Variants in RAB3GAP1 observed in about 807,000 individuals in gnomAD.
The protein encoded by RAB3GAP1 is rab3 GTPase-activating protein catalytic subunit.
Under a neutral mutation model 130.7 loss-of-function variants are expected in RAB3GAP1, and 86 were observed. That is an observed-to-expected ratio of 0.66 (90% CI 0.55 to 0.79). The LOEUF (loss-of-function observed/expected upper bound fraction) is 0.79. RAB3GAP1 is among the 30% of genes least tolerant of loss of function. The pLI is 0.00. For missense variants in RAB3GAP1, 1,029 were observed against 1,169.4 expected (o/e 0.88, Z 1.75); for synonymous variants, 367 against 401.7 (o/e 0.91, Z 1.03).
At chr2:135,073,085 C>T (rs1689523809) in intron 3 of RAB3GAP1, among the ~76,000 whole-genome samples, 1 of 152,186 alleles carries the variant, frequency 6.6e-6, no homozygotes, top group Admixed American at 6.5e-5. Context: ...AGGTTGGGCA[C>T]ATATTAAGCA....
intron 14 of RAB3GAP1, 82 bp downstream of exon 14, chr2:135,133,066 C>T: frequency 1.2e-6 from 1 of 863,166 alleles, no homozygotes. Context: ...AGTTTAATAG[C>T]TTACTATATT....
chr2:135,095,696 C>A (rs1303412860), intron 5 of RAB3GAP1, among the ~76,000 whole-genome samples: 1 of 152,148 alleles, frequency 6.6e-6, no homozygotes, highest in Non-Finnish European at 1.5e-5. Flanking sequence ...AAATTTCAGG[C>A]AAAAACAACA....
chr2:135,167,388 T>G (rs914680758), intron 23 of RAB3GAP1, among the ~76,000 whole-genome samples: 1 of 152,122 alleles, frequency 6.6e-6, no homozygotes, highest in Non-Finnish European at 1.5e-5. Context: ...ACTTTTTTTT[T>G]TTTTTGCATC....
chr2:135,159,264 TC>T (rs1248432717), intron 19 of RAB3GAP1, among the ~76,000 whole-genome samples: 4 of 152,184 alleles, frequency 2.6e-5, no homozygotes, highest in African/African-American at 7.2e-5. Context: ...AGTGTGTTCC[TC>T]CCAGAGAGTA....
chr2:135,099,742 C>T (rs1044462639), intron 5 of RAB3GAP1, among the ~76,000 whole-genome samples: 6 of 151,688 alleles, frequency 4.0e-5, no homozygotes, highest in Non-Finnish European at 7.4e-5. Flanking sequence ...GCAATTCCTT[C>T]TAGGGTCCAG....
chr2:135,105,451 C>G (rs931382966), intron 5 of RAB3GAP1, among the ~76,000 whole-genome samples: 34 of 152,236 alleles, frequency 2.2e-4, no homozygotes, highest in African/African-American at 7.5e-4. Context: ...CCGGGCTGGT[C>G]TCCAGCTCCT....
chr2:135,052,292 CCCG>C lies in RAB3GAP1; in HGVS notation c.-15_-13del. 1 of 1,613,174 alleles carries C rather than the reference CCCG, an allele frequency of 6.2e-7. No homozygotes were observed. ...TCTTCCCGGCAGCCTTAGCGCCAGG[CCCG>C]GCGCTCCTCAAGATGGCTGCCGACA... On this transcript the variant is annotated 5_prime_UTR_variant, in exon 1 of 24. Transcript: ENST00000264158.
At chr2:135,141,716 C>T (rs1691846466) in intron 17 of RAB3GAP1, among the ~76,000 whole-genome samples, 1 of 152,142 alleles carries the variant, frequency 6.6e-6, no homozygotes, top group Admixed American at 6.6e-5. Flanking sequence ...TTGTGACCCA[C>T]CTCAAATTAA....
At chr2:135,063,863 A>G (rs561987659) in intron 3 of RAB3GAP1, among the ~76,000 whole-genome samples, 5 of 152,264 alleles carry the variant, frequency 3.3e-5, no homozygotes, top group Admixed American at 3.3e-4. Flanking sequence ...GAATTATTTG[A>G]TGGTGCTATT....
At chr2:135,120,559 T>C (rs1691165631) in intron 7 of RAB3GAP1, among the ~76,000 whole-genome samples, 1 of 152,254 alleles carries the variant, frequency 6.6e-6, no homozygotes, top group South Asian at 2.1e-4. Context: ...ACTGTGAGAA[T>C]TTCTTCTGTG....
chr2:135,054,947 A>C (rs1688969970), intron 2 of RAB3GAP1, among the ~76,000 whole-genome samples: 1 of 152,222 alleles, frequency 6.6e-6, no homozygotes, highest in African/African-American at 2.4e-5. Context: ...TGAACTATAT[A>C]GATAATTTAT....
chr2:135,147,551 G>A (rs1434307060), intron 17 of RAB3GAP1, among the ~76,000 whole-genome samples: 1 of 151,700 alleles, frequency 6.6e-6, no homozygotes, highest in Non-Finnish European at 1.5e-5. Context: ...GCATGTAAGT[G>A]TTCAGCAAAA....
intron 23 of RAB3GAP1, chr2:135,165,117 G>A (rs752945101): frequency 2.2e-6 from 1 of 454,736 alleles, no homozygotes; most frequent in African/African-American, 2.0e-5. Context: ...AAATATAATT[G>A]TTCTTGTAAT....
At chr2:135,111,165 T>G (rs2104909622) in intron 5 of RAB3GAP1, among the ~76,000 whole-genome samples, 1 of 152,276 alleles carries the variant, frequency 6.6e-6, no homozygotes, top group East Asian at 1.9e-4. Flanking sequence ...ACTTAATTTT[T>G]TAAATCATTA....
At chr2:135,053,333 T>G (rs953584436) in intron 2 of RAB3GAP1, among the ~76,000 whole-genome samples, 12 of 152,254 alleles carry the variant, frequency 7.9e-5, no homozygotes, top group African/African-American at 2.7e-4. Context: ...AGTTGTTACA[T>G]TAAAGTGGGT....
chr2:135,084,225 A>T (rs1392956948), intron 3 of RAB3GAP1, among the ~76,000 whole-genome samples: 1 of 152,208 alleles, frequency 6.6e-6, no homozygotes, highest in Non-Finnish European at 1.5e-5. Flanking sequence ...AGCCTGGGCA[A>T]CAAGAGCGAA....
intron 3 of RAB3GAP1, among the ~76,000 whole-genome samples, chr2:135,083,767 G>GTTTTTTTTTTTTTTTTTTTT (rs34087354): frequency 1.0e-5 from 1 of 98,288 alleles, no homozygotes; most frequent in African/African-American, 3.9e-5. Flanking sequence ...ACCCAACACG[G>GTTTTTTTTTTTTTTTTTTTT]TTTTTTTTTT....
At chr2:135,105,217 C>T (rs1337462284) in intron 5 of RAB3GAP1, among the ~76,000 whole-genome samples, 1 of 115,178 alleles carries the variant, frequency 8.7e-6, no homozygotes, top group Non-Finnish European at 1.8e-5. Context: ...TCTCCCCCTC[C>T]CCCTTCCCCC....
intron 7 of RAB3GAP1, among the ~76,000 whole-genome samples, chr2:135,118,248 C>A (rs1312241846): frequency 6.6e-6 from 1 of 152,082 alleles, no homozygotes. Context: ...TGGAACCCAA[C>A]TTACATCTTG....
Sources: allele counts gnomAD v4.1 joint callset (sites outside exome capture counted in the v4.1 genomes callset), GRCh38; gene constraint gnomAD v4.1.1; transcripts MANE v1.5; gene names NCBI Gene and HGNC (gene_info 2026-07-23, HGNC 2026-07-21).